Variants in SLC44A1 observed in about 807,000 individuals in gnomAD.
SLC44A1 encodes choline transporter-like protein 1.
A neutral mutation model predicts 79.3 loss-of-function variants in SLC44A1; 26 were observed. The ratio of observed to expected loss-of-function variants is 0.33; its 90% CI spans 0.24 to 0.46. The LOEUF (loss-of-function observed/expected upper bound fraction) is 0.46. Ranked by LOEUF, SLC44A1 falls within the 20% of genes least tolerant of loss-of-function variation. The pLI is 1.00. For synonymous variants in SLC44A1, 263 were observed against 286.2 expected (o/e 0.92, Z 0.82); for missense variants, 688 against 798.1 (o/e 0.86, Z 1.66).
At chr9:105,410,406 C>T (rs995235434) in intron 15 of SLC44A1, among the ~76,000 whole-genome samples, 27 of 152,210 alleles carry the variant, frequency 1.8e-4, no homozygotes, top group African/African-American at 4.3e-4. Flanking sequence ...CAACCCATAA[C>T]GAGCAAAGGA....
At chr9:105,309,594 G>A (rs945175410) in intron 2 of SLC44A1, 130 bp from the exon 3 acceptor site, 1 of 737,574 alleles carries the variant, frequency 1.4e-6, no homozygotes, top group Non-Finnish European at 2.2e-6. Context: ...CAGTGGAATA[G>A]TGTTTGCAGT....
intron 13 of SLC44A1, among the ~76,000 whole-genome samples, chr9:105,381,625 G>GA (rs913162999): frequency 2.7e-5 from 4 of 149,904 alleles, no homozygotes; most frequent in African/African-American, 4.9e-5. Context: ...AAATGAGAAA[G>GA]AAAAAAAATG....
intron 1 of SLC44A1, among the ~76,000 whole-genome samples, chr9:105,269,325 T>G (rs1364739310): frequency 6.6e-6 from 1 of 152,230 alleles, no homozygotes; most frequent in African/African-American, 2.4e-5. Flanking sequence ...CTTTAGACAC[T>G]CTTTTTAACT....
Position 105,393,062 on chromosome 9 carries a change from A to G in SLC44A1, c.*4006A>G, listed in dbSNP as rs1828801379. On this transcript the variant is annotated 3_prime_UTR_variant, in exon 16 of 16. Coordinates refer to ENST00000374720, the MANE Select transcript of SLC44A1 (RefSeq NM_080546.5). The stretch of plus-strand genomic sequence containing the variant: ...TCTTTTCATACATTCCATCTGACAC[A>G]TACGAGTGCACTATAATGGCTTGCC... The G allele has an allele frequency of 3.0e-6, 3 of 985,338 alleles. No homozygotes were observed. The highest frequency in any genetic ancestry group is 3.5e-5 in the African/African-American group (2 of 57,382). 61.0% of individuals were successfully genotyped at this position (985,338 alleles called of 1,614,324 possible).
intron 4 of SLC44A1, among the ~76,000 whole-genome samples, chr9:105,346,604 T>A (rs1470938961): frequency 6.6e-6 from 1 of 152,162 alleles, no homozygotes; most frequent in Non-Finnish European, 1.5e-5. Flanking sequence ...CCTAGCTATT[T>A]CAGGATTAGT....
chr9:105,245,803 C>T (rs141319142), intron 1 of SLC44A1, among the ~76,000 whole-genome samples: 1 of 152,360 alleles, frequency 6.6e-6, no homozygotes, highest in East Asian at 1.9e-4. Context: ...TCTCTCGGAT[C>T]CGAGCCCTTA....
At chr9:105,369,907 A>AC (rs1408579052) in intron 12 of SLC44A1, among the ~76,000 whole-genome samples, 1 of 152,238 alleles carries the variant, frequency 6.6e-6, no homozygotes, top group Non-Finnish European at 1.5e-5. Context: ...CAAAAGTACA[A>AC]CCAGGGATTG....
intron 3 of SLC44A1, among the ~76,000 whole-genome samples, chr9:105,326,538 A>G (rs1826582699): frequency 6.6e-6 from 1 of 152,204 alleles, no homozygotes; most frequent in South Asian, 2.1e-4. Flanking sequence ...GTGCTTTTCC[A>G]GTTCCATGCC....
At chr9:105,366,848 T>A (rs1827957085) in intron 12 of SLC44A1, among the ~76,000 whole-genome samples, 1 of 152,192 alleles carries the variant, frequency 6.6e-6, no homozygotes, top group Non-Finnish European at 1.5e-5. Flanking sequence ...AAATGTTGTT[T>A]GAAAACTTCA....
chr9:105,299,331 G>A, intron 2 of SLC44A1, 22 bp downstream of exon 2: 1 of 1,508,238 alleles, frequency 6.6e-7, no homozygotes, highest in Non-Finnish European at 8.9e-7. Flanking sequence ...CTCACAGATG[G>A]TCCAAACTGG....
intron 1 of SLC44A1, among the ~76,000 whole-genome samples, chr9:105,254,267 A>T (rs767926719): frequency 6.6e-6 from 1 of 152,226 alleles, no homozygotes; most frequent in South Asian, 2.1e-4. Flanking sequence ...CAAGATGGCT[A>T]TGGCTCTTCT....
Position 105,395,900 on chromosome 9 carries a change from T to G in SLC44A1, c.*6844T>G. ...CCATGTTGATAATCCGGTGGTGACT[T>G]TTTTTTTTTTTTTGTAAATTGTATT... On this transcript the variant is annotated 3_prime_UTR_variant, in exon 16 of 16. Coordinates refer to ENST00000374720, the MANE Select transcript of SLC44A1 (RefSeq NM_080546.5). 1 of 663,960 alleles carries G rather than the reference T, an allele frequency of 1.5e-6. No individual in the cohort carries two copies. The highest frequency in any genetic ancestry group is 1.8e-6 in the Non-Finnish European group (1 of 561,222). 41.1% of individuals were successfully genotyped at this position (663,960 alleles called of 1,614,324 possible).
chr9:105,312,936 C>G (rs1831219882), intron 3 of SLC44A1, among the ~76,000 whole-genome samples: 1 of 152,080 alleles, frequency 6.6e-6, no homozygotes, highest in African/African-American at 2.4e-5. Flanking sequence ...AGAGCCTTTC[C>G]TTTGGTGGTG....
At chr9:105,261,666 A>G (rs1222493736) in intron 1 of SLC44A1, among the ~76,000 whole-genome samples, 1 of 152,158 alleles carries the variant, frequency 6.6e-6, no homozygotes, top group Non-Finnish European at 1.5e-5. Flanking sequence ...TCAACAAAGA[A>G]TGAGACTTTT....
intron 4 of SLC44A1, among the ~76,000 whole-genome samples, chr9:105,339,973 T>C (rs1440208580): frequency 6.6e-6 from 1 of 152,140 alleles, no homozygotes; most frequent in African/African-American, 2.4e-5. Flanking sequence ...AAGTCAGTCA[T>C]AAAGAGACTG....
chr9:105,294,657 T>C, intron 1 of SLC44A1: 1 of 152,100 alleles, frequency 6.6e-6, no homozygotes, highest in East Asian at 1.9e-4. Context: ...GGTGTGTGTT[T>C]GTGTATTTAT....
intron 3 of SLC44A1, among the ~76,000 whole-genome samples, chr9:105,318,745 T>C (rs113119892): frequency 1.0e-4 from 15 of 143,406 alleles, no homozygotes; most frequent in African/African-American, 3.9e-4. Context: ...CCTTAGAAAA[T>C]GCGGGAGTTC....
Position 105,389,685 on chromosome 9 carries a change from C to T in SLC44A1, c.*629C>T. ...GCCAACATTAAAAGGTAACCAACTC[C>T]TCAGGTATTTGTAGTTTACCCTAAC... On this transcript the variant is annotated 3_prime_UTR_variant, in exon 16 of 16. Transcript: ENST00000374720. 1.6e-6 allele frequency: 2 copies of T among 1,243,772 alleles called. No individual in the cohort carries two copies. The highest frequency in any genetic ancestry group is 2.0e-6 in the Non-Finnish European group (2 of 992,902). The allele number at this position is 1,243,772 out of a possible 1,614,324, so 77.0% of individuals were successfully genotyped here.
chr9:105,287,014 C>T (rs1830494085), intron 1 of SLC44A1, among the ~76,000 whole-genome samples: 1 of 151,908 alleles, frequency 6.6e-6, no homozygotes, highest in Non-Finnish European at 1.5e-5. Flanking sequence ...AGGGTAGAAC[C>T]CAGAGACAAG....
Sources: allele counts gnomAD v4.1 joint callset (sites outside exome capture counted in the v4.1 genomes callset), GRCh38; gene constraint gnomAD v4.1.1; transcripts MANE v1.5; gene names NCBI Gene and HGNC (gene_info 2026-07-23, HGNC 2026-07-21).